TARS3: variants seen among roughly 807,000 people sequenced by gnomAD.
TARS3 encodes threonyl-tRNA synthetase 3.
A neutral mutation model predicts 103.5 loss-of-function variants in TARS3; 94 were observed. The ratio of observed to expected loss-of-function variants is 0.91; its 90% CI spans 0.77 to 1.08. The LOEUF (loss-of-function observed/expected upper bound fraction) is 1.08, where lower values mean the gene tolerates loss of function less well. TARS3 is among the 50% of genes least tolerant of loss of function. The pLI, the probability that TARS3 is intolerant of heterozygous loss-of-function variation, is 0.00. For synonymous variants in TARS3, 416 were observed against 355.4 expected, an observed-to-expected ratio of 1.17 and a Z score of -1.92; for missense variants, 952 against 995.2, an observed-to-expected ratio of 0.96 and a Z score of 0.58.
intron 10 of TARS3, among the ~76,000 whole-genome samples, chr15:101,696,499 A>G (rs952898881): frequency 6.6e-6 from 1 of 152,222 alleles, no homozygotes; most frequent in African/African-American, 2.4e-5. Flanking sequence ...TATGAAAGAC[A>G]GTAATGATGA....
At position 101,702,701 on chromosome 15, in the gene TARS3, T is replaced by A. The variant is rs12442375; in HGVS notation, c.1075-316A>T. 4.7e-3 allele frequency among the ~76,000 whole-genome samples: 718 copies of A among 152,210 alleles called. 24 individuals carry two copies. Among genetic ancestry groups the A allele is most frequent in the Admixed American group, 0.044 (666 of 15,286 alleles). On this transcript the variant is annotated intron_variant, in intron 8 of 18. Coordinates refer to ENST00000335968, the MANE Select transcript of TARS3 (RefSeq NM_152334.3). Reference sequence around the variant, plus strand: ...AGGAGGACTGTTTGAGCCCAGGAGGTCGAGGCTGCAGTGAGCAGTGTTTGT... The same window carrying A: ...AGGAGGACTGTTTGAGCCCAGGAGGACGAGGCTGCAGTGAGCAGTGTTTGT...
chr15:101,719,855 G>A (rs969633018), intron 3 of TARS3, among the ~76,000 whole-genome samples: 2 of 152,296 alleles, frequency 1.3e-5, no homozygotes, highest in South Asian at 2.1e-4. Context: ...ACTTCTAGAC[G>A]GTTAGCTTGC....
chr15:101,685,306 TTA>T lies in TARS3; in HGVS notation c.1487+588_1487+589del, dbSNP rs151244313. On this transcript the variant is annotated intron_variant, in intron 11 of 18. Coordinates refer to ENST00000335968, the MANE Select transcript of TARS3 (RefSeq NM_152334.3). The stretch of plus-strand genomic sequence containing the variant: ...ACAAGGTTGAATTTGCATACCAACT[TTA>T]TGATAATTAGTCTTTCATAGAATCA... Among the ~76,000 whole-genome samples, 26 of 152,302 alleles carry T rather than the reference TTA, an allele frequency of 1.7e-4. No individual in the cohort carries two copies. In the East Asian group the frequency reaches 4.6e-3, roughly 27 times the overall value.
chr15:101,675,830 A>T, intron 12 of TARS3, 93 bp from the exon 13 acceptor site: 1 of 1,350,550 alleles, frequency 7.4e-7, no homozygotes, highest in Non-Finnish European at 1.0e-6. Context: ...GAAATAAAGC[A>T]TGTTTTTAAT....
intron 10 of TARS3, chr15:101,696,165 C>T (rs1247252697): frequency 7.5e-5 from 10 of 133,682 alleles, no homozygotes; most frequent in Non-Finnish European, 1.2e-4. Flanking sequence ...GAGCTGAGAT[C>T]GCGTCACGGC....
Position 101,684,216 on chromosome 15 carries a change from T to C in TARS3, c.1509A>G (p.Pro503=). 4 of 1,613,926 alleles carry C rather than the reference T, an allele frequency of 2.5e-6. No homozygotes were observed. The highest frequency in any genetic ancestry group is 3.4e-6 in the Non-Finnish European group (4 of 1,179,858). Residue 503 remains proline, a synonymous_variant, in exon 12 of 19, where the codon CCA becomes CCG. Coordinates refer to ENST00000335968, the MANE Select transcript of TARS3 (RefSeq NM_152334.3). ...TAATAGGCATTTCCCTCCAAGATCG[T>C]GGACGATGGGCAAACATTAGACTAG... ...PGHCLMFAHR[P]RSWREMPIRF...
Position 101,723,108 on chromosome 15 carries a change from G to A in TARS3, c.354C>T (p.Ser118=), listed in dbSNP as rs756830860. The A allele has an allele frequency of 1.9e-6, 3 of 1,613,976 alleles. No homozygotes were observed. The highest frequency in any genetic ancestry group is 2.2e-5 in the East Asian group (1 of 44,882). The part of the protein sequence containing the change: ...KDMKKKKMKE[S]EADSEVKHQP... ...AACAACTTACCTCGCTGTCAGCCTC[G>A]CTTTCCTTCATTTTCTTCTTTTTCA... Residue 118 remains serine (S), a synonymous_variant, in exon 2 of 19, where the codon AGC becomes AGT. Transcript: ENST00000335968.
chr15:101,692,262 C>T (rs1261584202), intron 10 of TARS3, among the ~76,000 whole-genome samples: 1 of 152,044 alleles, frequency 6.6e-6, no homozygotes, highest in Admixed American at 6.5e-5. Context: ...GTGGCCTCTC[C>T]TCCACGGCTC....
intron 18 of TARS3, chr15:101,656,020 T>C: frequency 7.0e-6 from 9 of 1,289,204 alleles, no homozygotes; most frequent in Non-Finnish European, 8.1e-6. Context: ...AAGAAACCGG[T>C]CTGCAGATAA....
At chr15:101,666,314 A>G (rs1897577499) in intron 15 of TARS3, among the ~76,000 whole-genome samples, 1 of 151,970 alleles carries the variant, frequency 6.6e-6, no homozygotes, top group South Asian at 2.1e-4. Context: ...TGTCTCCACT[A>G]AAAATACAAA....
At chr15:101,704,434 C>G (rs113172396) in intron 7 of TARS3, among the ~76,000 whole-genome samples, 10,602 of 152,058 alleles carry the variant, frequency 0.07, 670 homozygotes, top group African/African-American at 0.16. Context: ...GCGGGTGGAT[C>G]ACGAGGTCAG....
At chr15:101,662,687 G>A (rs563306453) in intron 15 of TARS3, among the ~76,000 whole-genome samples, 2 of 152,270 alleles carry the variant, frequency 1.3e-5, no homozygotes, top group East Asian at 3.9e-4. Context: ...GCAGGTATAT[G>A]AAGAAATTCA....
At chr15:101,656,544 G>A (rs1269668280) in intron 18 of TARS3, among the ~76,000 whole-genome samples, 1 of 152,052 alleles carries the variant, frequency 6.6e-6, no homozygotes, top group Non-Finnish European at 1.5e-5. Flanking sequence ...CTTTCTGTTA[G>A]TTTAATCCCA....
intron 16 of TARS3, 63 bp downstream of exon 16, chr15:101,661,649 A>G: frequency 9.8e-7 from 1 of 1,024,378 alleles, no homozygotes; most frequent in East Asian, 2.8e-5. Context: ...AGGAAAAATG[A>G]GTAAATTAAT....
chr15:101,721,307 T>C lies in TARS3; in HGVS notation c.385A>G (p.Ile129Val), dbSNP rs944272129. ...EADSEVKHQP[I>V]FIKERLKLFE... ...AGCTTCAATCTTTCTTTTATGAAAA[T>C]TGGTTGATGCTTCACCTGGAAATTA... Residue 129 changes from isoleucine to valine, a missense_variant, in exon 3 of 19, where the codon ATT (isoleucine) becomes GTT (valine). Physicochemically the swap from Ile to Val is conservative, Grantham distance 29 (BLOSUM62 3). This residue lies in a region of TARS3 where 412 missense variants were observed against 364.2 expected (regional missense o/e 1.13). Coordinates refer to ENST00000335968, the MANE Select transcript of TARS3 (RefSeq NM_152334.3). 2 of 1,610,568 alleles carry C rather than the reference T, an allele frequency of 1.2e-6. No homozygotes were observed. The highest frequency in any genetic ancestry group is 1.7e-6 in the Non-Finnish European group (2 of 1,176,972).
At chr15:101,661,271 A>G (rs1273093081) in intron 16 of TARS3, among the ~76,000 whole-genome samples, 1 of 151,820 alleles carries the variant, frequency 6.6e-6, no homozygotes, top group African/African-American at 2.4e-5. Flanking sequence ...TCAGGTTTAC[A>G]TGTTTTCCTC....
chr15:101,681,776 C>T (rs1479898766), intron 12 of TARS3, among the ~76,000 whole-genome samples: 1 of 152,176 alleles, frequency 6.6e-6, no homozygotes, highest in South Asian at 2.1e-4. Context: ...CTAATTACTT[C>T]CCAAAAGCCC....
intron 7 of TARS3, among the ~76,000 whole-genome samples, chr15:101,704,511 T>G (rs1899446086): frequency 6.6e-6 from 1 of 151,648 alleles, no homozygotes; most frequent in African/African-American, 2.4e-5. Flanking sequence ...AAAAATTAGC[T>G]GGGCGTGGTG....
At chr15:101,703,771 A>G (rs1899400645) in intron 8 of TARS3, 88 bp downstream of exon 8, 1 of 793,082 alleles carries the variant, frequency 1.3e-6, no homozygotes, top group South Asian at 1.6e-5. Flanking sequence ...TCAGACTACA[A>G]AAGATATGAT....
Sources: gnomAD v4.1 joint callset for allele counts (sites outside exome capture counted in the v4.1 genomes callset) on GRCh38, gnomAD v4.1.1 for gene constraint, gnomAD v4.1.1 regional missense constraint, MANE v1.5 for transcripts, NCBI Gene and HGNC (gene_info 2026-07-23, HGNC 2026-07-21) for gene names.